Variants in EYS observed in about 807,000 individuals in gnomAD.
EYS encodes the protein protein eyes shut homolog.
In EYS, 250 loss-of-function variants were observed where a neutral mutation model predicts 282.1. The ratio of observed to expected loss-of-function variants is 0.89; its 90% CI spans 0.80 to 0.98. EYS has a LOEUF of 0.98. EYS is among the 50% of genes least tolerant of loss of function. The pLI is 0.00. For synonymous variants in EYS, 1,355 were observed against 1,282.9 expected, an observed-to-expected ratio of 1.06 and a Z score of -1.20; for missense variants, 4,016 against 3,709.0, an observed-to-expected ratio of 1.08 and a Z score of -2.15.
rs917296151 is a variant in EYS at position 65,632,065 on chromosome 6, G to T, written c.-333+7713C>A. On this transcript the variant is annotated intron_variant, in intron 2 of 42. Coordinates refer to ENST00000503581, the MANE Select transcript of EYS (RefSeq NM_001142800.2). The stretch of plus-strand genomic sequence containing the variant: ...ACACAATTGTTAACGTAATAGAAGT[G>T]GGATTCAAACTTGCCACAGAGCCTA... Among the ~76,000 whole-genome samples, 3 of 151,996 alleles carry T rather than the reference G, an allele frequency of 2.0e-5. No homozygotes were observed. The South Asian group carries it at 6.2e-4, about 32-fold the overall frequency.
At chr6:63,798,983 G>C (rs1220671933) in intron 37 of EYS, among the ~76,000 whole-genome samples, 1 of 102,032 alleles carries the variant, frequency 9.8e-6, no homozygotes, top group African/African-American at 4.3e-5. Flanking sequence ...ATATGTATAT[G>C]TGTGTATATA....
At position 65,438,149 on chromosome 6, in the gene EYS, T is replaced by A. The variant is rs567100850; in HGVS notation, c.863-32782A>T. The stretch of plus-strand genomic sequence containing the variant: ...GCAATAGTTTGCTGAGAATGATGGT[T>A]TCCAGCTTCATCCATGTCCCTACAA... On this transcript the variant is annotated intron_variant, in intron 5 of 42. Transcript: ENST00000503581. Among the ~76,000 whole-genome samples the A allele has an allele frequency of 1.6e-3, 238 of 152,086 alleles. 1 individual carries two copies. Among genetic ancestry groups the A allele is most frequent in the South Asian group, 2.9e-3 (14 of 4,816 alleles).
chr6:64,065,370 A>G (rs1562182076), intron 33 of EYS, among the ~76,000 whole-genome samples: 1 of 152,338 alleles, frequency 6.6e-6, no homozygotes, highest in East Asian at 1.9e-4. Context: ...TTTGGAGACC[A>G]TTATTACTAT....
intron 35 of EYS, among the ~76,000 whole-genome samples, chr6:63,935,314 C>T (rs752717019): frequency 6.6e-6 from 1 of 152,338 alleles, no homozygotes; most frequent in Middle Eastern, 3.4e-3. Context: ...AGTTATTGTC[C>T]TTACTTTCTG....
intron 22 of EYS, among the ~76,000 whole-genome samples, chr6:64,714,162 A>G (rs1486936552): frequency 6.6e-6 from 1 of 152,226 alleles, no homozygotes. Context: ...GGAAAGATTC[A>G]AGAAATGTTT....
intron 22 of EYS, among the ~76,000 whole-genome samples, chr6:64,808,261 T>C (rs1764497349): frequency 6.6e-6 from 1 of 152,074 alleles, no homozygotes; most frequent in Admixed American, 6.6e-5. Flanking sequence ...ATGTAGACAA[T>C]GTCATATGGT....
intron 29 of EYS, among the ~76,000 whole-genome samples, chr6:64,334,539 T>C (rs1770771482): frequency 6.6e-6 from 1 of 152,112 alleles, no homozygotes; most frequent in Non-Finnish European, 1.5e-5. Flanking sequence ...GGGCACAAGA[T>C]GGGTCATGAG....
At chr6:65,055,852 C>CTGTA (rs1773396498) in intron 13 of EYS, among the ~76,000 whole-genome samples, 2 of 151,974 alleles carry the variant, frequency 1.3e-5, no homozygotes, top group African/African-American at 4.8e-5. Context: ...AACCTTGGTC[C>CTGTA]TGTAGCTCAG....
At chr6:65,240,752 C>A (rs2150275609) in intron 12 of EYS, among the ~76,000 whole-genome samples, 1 of 152,250 alleles carries the variant, frequency 6.6e-6, no homozygotes, top group African/African-American at 2.4e-5. Context: ...CATACAATTG[C>A]ATGTGTCTTT....
rs1389401313 is a variant in EYS at position 65,335,129 on chromosome 6, G to C, written c.1617C>G (p.Cys539Trp). The C allele has an allele frequency of 6.2e-7, 1 of 1,610,148 alleles. No individual in the cohort carries two copies. The highest frequency in any genetic ancestry group is 8.5e-7 in the Non-Finnish European group (1 of 1,177,610). The change falls in exon 11 of 43, where the codon TGC becomes TGG. Residue 539 changes from cysteine (C) to tryptophan (W), a missense_variant. Physicochemically the swap from Cys to Trp is radical, Grantham distance 215. Transcript: ENST00000503581. ...GACTGTCTTCTTCACTCAAACAACT[G>C]CATCCATTTGCACAAATCTATAGCA... ...EGTKEICANG[C>W]SCLSEEDSQE...
chr6:63,945,589 T>C lies in EYS; in HGVS notation c.7055+38794A>G, dbSNP rs145064755. ...ACATATGCAAAAGTACATGCAAATA[T>C]ACTTAATTATTGCACATTACAAAGC... On this transcript the variant is annotated intron_variant, in intron 35 of 42. Coordinates refer to ENST00000503581, the MANE Select transcript of EYS (RefSeq NM_001142800.2). Among the ~76,000 whole-genome samples, 986 of 152,346 alleles carry C rather than the reference T, an allele frequency of 6.5e-3. 23 individuals are homozygous for C. The highest frequency in any genetic ancestry group is 6.0e-3 in the East Asian group (31 of 5,190).
chr6:65,171,699 G>T (rs903556188), intron 12 of EYS, among the ~76,000 whole-genome samples: 3 of 151,306 alleles, frequency 2.0e-5, no homozygotes, highest in African/African-American at 4.8e-5. Context: ...AGGATCATTT[G>T]ACCTCATTTT....
chr6:64,329,797 G>T (rs1404257733), intron 29 of EYS, among the ~76,000 whole-genome samples: 1 of 152,116 alleles, frequency 6.6e-6, no homozygotes. Context: ...CAGGATTTAT[G>T]GGCAGTAAAT....
At chr6:64,947,831 C>T (rs1769340834) in intron 14 of EYS, among the ~76,000 whole-genome samples, 1 of 151,674 alleles carries the variant, frequency 6.6e-6, no homozygotes, top group Non-Finnish European at 1.5e-5. Context: ...ATGGCATATG[C>T]ATAAAATCTT....
intron 26 of EYS, among the ~76,000 whole-genome samples, chr6:64,449,458 C>T (rs1433454022): frequency 2.0e-5 from 3 of 152,040 alleles, no homozygotes; most frequent in African/African-American, 4.8e-5. Context: ...GAGAACTTCC[C>T]CAATCTAGCA....
At chr6:64,193,571 T>A (rs1009540680) in intron 31 of EYS, among the ~76,000 whole-genome samples, 1 of 152,128 alleles carries the variant, frequency 6.6e-6, no homozygotes, top group Non-Finnish European at 1.5e-5. Context: ...TACATATGTA[T>A]ACATGTGCCA....
intron 41 of EYS, among the ~76,000 whole-genome samples, chr6:63,753,118 A>G (rs1361162415): frequency 1.7e-5 from 2 of 118,936 alleles, no homozygotes; most frequent in Non-Finnish European, 3.3e-5. Context: ...ACTAAAAAAT[A>G]TGTGTGTGTA....
chr6:64,548,168 G>A lies in EYS; in HGVS notation c.5644+42055C>T, dbSNP rs11968610. 8.6e-3 allele frequency among the ~76,000 whole-genome samples: 1,313 copies of A among 152,316 alleles called. 16 individuals are homozygous for A. Among genetic ancestry groups the A allele is most frequent in the African/African-American group, 0.03 (1,257 of 41,574 alleles). ...TGCTGCCAAAGTGGGAGCCAAGGCA[G>A]AGGAGGCACCAAGAGCAAGCGAGGG... On this transcript the variant is annotated intron_variant, in intron 26 of 42. Coordinates refer to ENST00000503581, the MANE Select transcript of EYS (RefSeq NM_001142800.2).
In EYS at chr6:65,353,433, G is replaced by GA. The variant is rs746437934; in HGVS notation, c.1459+24dup. The GA allele has an allele frequency of 1.3e-4, 207 of 1,608,548 alleles. No homozygotes were observed. The African/African-American group carries it at 2.5e-3, about 19-fold the overall frequency. ...AATTTTGAAATGATTCAAGCAGATT[G>GA]AAAAAAATTACATAAATTTGTTACC... On this transcript the variant is annotated intron_variant, in intron 9 of 42. Coordinates refer to ENST00000503581, the MANE Select transcript of EYS (RefSeq NM_001142800.2).
Sources: gnomAD v4.1 joint callset for allele counts (sites outside exome capture counted in the v4.1 genomes callset) on GRCh38, gnomAD v4.1.1 for gene constraint, MANE v1.5 for transcripts, NCBI Gene and HGNC (gene_info 2026-07-23, HGNC 2026-07-21) for gene names.